The following DNAJC18 variants were observed in gnomAD, a reference collection of about 807,000 sequenced individuals.
DNAJC18 encodes the protein dnaJ homolog subfamily C member 18.
DNAJC18 carries 40 observed loss-of-function variants against 48.6 expected under a neutral mutation model. The ratio of observed to expected loss-of-function variants is 0.82; its 90% CI spans 0.64 to 1.07. The LOEUF (loss-of-function observed/expected upper bound fraction) is 1.07, where lower values mean the gene tolerates loss of function less well. DNAJC18 is among the 50% of genes least tolerant of loss of function. DNAJC18 has a pLI of 0.00. For synonymous variants in DNAJC18, 135 were observed against 152.2 expected (o/e 0.89, Z 0.83); for missense variants, 340 against 427.7 (o/e 0.79, Z 1.81).
chr5:139,429,321 A>G (rs1379292301), intron 2 of DNAJC18, among the ~76,000 whole-genome samples: 1 of 152,010 alleles, frequency 6.6e-6, no homozygotes, highest in South Asian at 2.1e-4. Flanking sequence ...TGACCTTGTG[A>G]TCTGCCCACC....
In DNAJC18 at chr5:139,428,647, T is replaced by C. The variant is rs754046381; in HGVS notation, c.264A>G (p.Gly88=). ...CTTCGTCACTAGCATCTCGAGAAACTCCCAGAATTTCATAGTAATTTCTGC... is the reference window on the plus strand; with the variant it reads ...CTTCGTCACTAGCATCTCGAGAAACCCCCAGAATTTCATAGTAATTTCTGC... ...KKCRNYYEIL[G]VSRDASDEEL... is the part of the protein sequence containing the mutation. The change falls in exon 3 of 8, where the codon GGA becomes GGG. Residue 88 remains glycine, a synonymous_variant. Transcript: ENST00000302060. 1.2e-6 allele frequency: 2 copies of C among 1,612,336 alleles called. No homozygotes were observed. Among genetic ancestry groups the C allele is most frequent in the South Asian group, 2.2e-5 (2 of 90,616 alleles).
At chr5:139,418,586 T>G in intron 7 of DNAJC18, 1 of 335,870 alleles carries the variant, frequency 3.0e-6, no homozygotes, top group Non-Finnish European at 6.0e-6. Flanking sequence ...TTCCTCTTCC[T>G]GTTTAATTTC....
intron 2 of DNAJC18, among the ~76,000 whole-genome samples, chr5:139,437,120 G>C (rs191351028): frequency 1.6e-4 from 24 of 152,288 alleles, no homozygotes; most frequent in Admixed American, 1.2e-3. Flanking sequence ...GTTGTTGAAA[G>C]AATGTCCTGT....
Position 139,426,355 on chromosome 5 carries a change from T to A in DNAJC18, c.376A>T (p.Ile126Leu). ...APGATDAFKA[I>L]GNAFAVLSNP... is the part of the protein sequence containing the mutation. ...CTCAGGACTGCAAATGCATTTCCTATTGCTGCAACCAACAAGAACCAGCAC... is the reference window on the plus strand; with the variant it reads ...CTCAGGACTGCAAATGCATTTCCTAATGCTGCAACCAACAAGAACCAGCAC... The change falls in exon 4 of 8, where the codon ATA (isoleucine) becomes TTA (leucine). Residue 126 changes from isoleucine to leucine, a missense_variant and splice_region_variant. Transcript: ENST00000302060. The A allele has an allele frequency of 6.2e-7, 1 of 1,613,948 alleles. No homozygotes were observed. The highest frequency in any genetic ancestry group is 8.5e-7 in the Non-Finnish European group (1 of 1,179,874).
intron 2 of DNAJC18, among the ~76,000 whole-genome samples, chr5:139,432,431 G>T (rs914289176): frequency 5.3e-5 from 8 of 152,080 alleles, no homozygotes; most frequent in Admixed American, 2.6e-4. Context: ...CCAAAGTGCT[G>T]GGATTACAGG....
chr5:139,421,669 G>A (rs1343154048), intron 6 of DNAJC18, among the ~76,000 whole-genome samples: 2 of 152,016 alleles, frequency 1.3e-5, no homozygotes, highest in East Asian at 3.9e-4. Flanking sequence ...TCCGGGTGTG[G>A]TGGTGCGTGC....
intron 3 of DNAJC18, among the ~76,000 whole-genome samples, chr5:139,427,408 C>G (rs1431601058): frequency 6.6e-6 from 1 of 152,120 alleles, no homozygotes; most frequent in African/African-American, 2.4e-5. Context: ...TCCCGCACTC[C>G]CTACCTGTAA....
chr5:139,416,332 T>C (rs1215468554), intron 7 of DNAJC18, among the ~76,000 whole-genome samples: 4 of 152,200 alleles, frequency 2.6e-5, no homozygotes, highest in Non-Finnish European at 5.9e-5. Context: ...GGACAGAGCA[T>C]TGAGCCTTAA....
At chr5:139,414,664 C>G (rs945758339) in intron 7 of DNAJC18, among the ~76,000 whole-genome samples, 2 of 152,264 alleles carry the variant, frequency 1.3e-5, no homozygotes, top group East Asian at 3.8e-4. Context: ...CTGAAACAGA[C>G]AGCTGCTTTA....
rs150596775 is a variant in DNAJC18, at chr5:139,426,499, A to T, written c.374-142T>A. On this transcript the variant is annotated intron_variant, in intron 3 of 7. Transcript: ENST00000302060. The stretch of plus-strand genomic sequence containing the variant: ...CCAAGAAGAGATGCTTGGGCCTAGA[A>T]AGTTCTCCACAGTGCTTGCCCTTCA... 6.3e-5 allele frequency: 61 copies of T among 963,940 alleles called. No homozygotes were observed. The East Asian group carries it at 1.5e-3, about 24-fold the overall frequency. 59.7% of individuals were successfully genotyped at this position (963,940 alleles called of 1,614,324 possible). A position where few individuals can be genotyped will look rare whatever the true frequency, so the allele number is the denominator to read the frequency against.
chr5:139,427,015 G>A (rs1759255910), intron 3 of DNAJC18, among the ~76,000 whole-genome samples: 1 of 151,990 alleles, frequency 6.6e-6, no homozygotes, highest in South Asian at 2.1e-4. Context: ...CCTGCATCTG[G>A]CCAAAAAAGT....
chr5:139,427,064 A>ACAGTT lies in DNAJC18; in HGVS notation c.374-712_374-708dup, dbSNP rs1297965453. ...TTGAGTGCAATAGTTTATGTTGGAA[A>ACAGTT]CAGTTCACACATCAGTAGTGATATT... On this transcript the variant is annotated intron_variant, in intron 3 of 7. Coordinates refer to ENST00000302060, the MANE Select transcript of DNAJC18 (RefSeq NM_152686.4). Among the ~76,000 whole-genome samples, 3 of 152,212 alleles carry ACAGTT rather than the reference A, an allele frequency of 2.0e-5. No individual in the cohort carries two copies. In the East Asian group the frequency reaches 5.8e-4, roughly 29 times the overall value.
intron 7 of DNAJC18, among the ~76,000 whole-genome samples, chr5:139,416,959 G>A (rs1311812434): frequency 6.6e-6 from 1 of 152,214 alleles, no homozygotes; most frequent in Admixed American, 6.5e-5. Context: ...AGGCCGAGGT[G>A]GGCGGATTAC....
At chr5:139,418,694 C>T in intron 7 of DNAJC18, 3 of 455,556 alleles carry the variant, frequency 6.6e-6, no homozygotes, top group South Asian at 3.1e-5. Context: ...AGACCAGGTC[C>T]CTAAGGGTGA....
intron 6 of DNAJC18, 42 bp from the exon 7 acceptor site, chr5:139,420,267 T>G (rs1190546752): frequency 2.6e-6 from 4 of 1,567,562 alleles, no homozygotes; most frequent in Non-Finnish European, 2.6e-6. Context: ...TCATAATATT[T>G]GGCAATATTA....
chr5:139,428,710 C>A, intron 2 of DNAJC18, 27 bp from the exon 3 acceptor site: 2 of 1,595,344 alleles, frequency 1.3e-6, no homozygotes, highest in South Asian at 1.1e-5. Flanking sequence ...GCATGTATGT[C>A]TATAAAGGTC....
intron 2 of DNAJC18, among the ~76,000 whole-genome samples, chr5:139,436,602 C>A (rs750615106): frequency 1.4e-4 from 19 of 136,916 alleles, no homozygotes; most frequent in Non-Finnish European, 2.3e-4. Flanking sequence ...CTACTGGGTT[C>A]AAGCAATCCT....
intron 2 of DNAJC18, among the ~76,000 whole-genome samples, chr5:139,434,302 A>T (rs1386166710): frequency 1.3e-5 from 2 of 152,096 alleles, no homozygotes; most frequent in Non-Finnish European, 2.9e-5. Flanking sequence ...GGCCAACTGT[A>T]TCTCTTTTTT....
chr5:139,439,517 G>T lies in DNAJC18; in HGVS notation c.-72C>A, dbSNP rs529243210. ...GCTGAAAGAGAAGGGGGCGCGGAGC[G>T]CGGGGCACGCTGGTCATTGTAGTCC... On this transcript the variant is annotated 5_prime_UTR_variant, in exon 1 of 8. Coordinates refer to ENST00000302060, the MANE Select transcript of DNAJC18 (RefSeq NM_152686.4). The surrounding 1 kb of genome is among the most constrained non-coding windows in gnomAD (Gnocchi z 4.1). 11 of 1,610,274 alleles carry T rather than the reference G, an allele frequency of 6.8e-6. No homozygotes were observed. The East Asian group carries it at 2.5e-4, about 36-fold the overall frequency.
Sources: gnomAD v4.1 joint callset for allele counts (sites outside exome capture counted in the v4.1 genomes callset) on GRCh38, gnomAD v4.1.1 for gene constraint, Gnocchi (gnomAD v3.1) non-coding constraint, MANE v1.5 for transcripts, NCBI Gene and HGNC (gene_info 2026-07-23, HGNC 2026-07-21) for gene names.